The following CDC42BPB variants were observed in gnomAD, a reference collection of about 807,000 sequenced individuals.
The protein encoded by CDC42BPB is serine/threonine-protein kinase MRCK beta.
CDC42BPB carries 37 observed loss-of-function variants against 214.9 expected under a neutral mutation model. That is an observed-to-expected ratio of 0.17 (90% CI 0.13 to 0.23). CDC42BPB has a LOEUF of 0.23. Among genes scored for constraint, CDC42BPB ranks in the 10% least tolerant of loss-of-function variants. CDC42BPB has a pLI of 1.00. For synonymous variants in CDC42BPB, 931 were observed against 884.0 expected (o/e 1.05, Z -0.94); for missense variants, 1,694 against 2,227.0 (o/e 0.76, Z 4.82).
intron 20 of CDC42BPB, among the ~76,000 whole-genome samples, chr14:102,962,667 T>C (rs1893013822): frequency 6.6e-6 from 1 of 152,172 alleles, no homozygotes; most frequent in Non-Finnish European, 1.5e-5. Flanking sequence ...CTGGCCAACG[T>C]GGCAAAACCC....
chr14:102,952,151 G>A (rs911628), intron 24 of CDC42BPB, among the ~76,000 whole-genome samples: 152,301 of 152,326 alleles, frequency 1, 76,138 homozygotes, highest in Non-Finnish European at 1. Flanking sequence ...GTTTGAGACC[G>A]GTCTGGGAAA....
chr14:103,010,483 T>C (rs1886092776), intron 2 of CDC42BPB, among the ~76,000 whole-genome samples: 1 of 152,178 alleles, frequency 6.6e-6, no homozygotes, highest in Admixed American at 6.5e-5. Context: ...AGAGGGGGGC[T>C]ATTTCCCTAA....
At chr14:102,966,168 A>G (rs1006227297) in intron 18 of CDC42BPB, 114 bp downstream of exon 18, 2 of 726,378 alleles carry the variant, frequency 2.8e-6, no homozygotes, top group Non-Finnish European at 4.6e-6. Flanking sequence ...CTGGTTACAC[A>G]GAAGTCTCTT....
chr14:102,953,052 C>T (rs1283307892), intron 23 of CDC42BPB, among the ~76,000 whole-genome samples: 2 of 152,260 alleles, frequency 1.3e-5, no homozygotes, highest in Non-Finnish European at 2.9e-5. Flanking sequence ...TAACAGCAAA[C>T]GCCTGGAAAG....
In CDC42BPB at chr14:103,056,991, G is replaced by T; in HGVS notation, c.175+8C>A. On this transcript the variant is annotated splice_region_variant and intron_variant, in intron 1 of 36. Coordinates refer to ENST00000361246, the MANE Select transcript of CDC42BPB (RefSeq NM_006035.4). ...GCCGCAGGTCCGGCCCTGCCGGCGC[G>T]CACTTACCCCACTCGAGGAACTCGG... is the stretch of plus-strand genomic sequence containing the variant. 2.1e-6 allele frequency: 3 copies of T among 1,421,284 alleles called. No homozygotes were observed. The highest frequency in any genetic ancestry group is 2.8e-6 in the Non-Finnish European group (3 of 1,085,114). The allele number at this position is 1,421,284 out of a possible 1,614,324, so 88.0% of individuals were successfully genotyped here.
At chr14:102,970,321 G>A in intron 13 of CDC42BPB, 60 bp from the exon 14 acceptor site, 2 of 1,550,728 alleles carry the variant, frequency 1.3e-6, no homozygotes, top group African/African-American at 1.4e-5. Flanking sequence ...ACCAGTTACA[G>A]CAGCACCCAC....
Position 102,946,087 on chromosome 14 carries a change from T to C in CDC42BPB, c.3749-363A>G, listed in dbSNP as rs767482741. Among the ~76,000 whole-genome samples, 4 of 151,652 alleles carry C rather than the reference T, an allele frequency of 2.6e-5. No individual in the cohort carries two copies. The South Asian group carries it at 8.3e-4, about 32-fold the overall frequency. On this transcript the variant is annotated intron_variant, in intron 28 of 36. Transcript: ENST00000361246. The stretch of plus-strand genomic sequence containing the variant: ...GCAGTGGTGTGATCTCGGCTCACTG[T>C]AAGCTCTGCCTCCTGGGTTCATGCT...
intron 1 of CDC42BPB, among the ~76,000 whole-genome samples, chr14:103,015,968 G>A (rs1360258886): frequency 2.0e-5 from 3 of 151,572 alleles, no homozygotes; most frequent in African/African-American, 7.3e-5. Flanking sequence ...CGCCCACCTC[G>A]ACCTCCCAAA....
intron 1 of CDC42BPB, among the ~76,000 whole-genome samples, chr14:103,042,647 A>G (rs1407725528): frequency 6.6e-6 from 1 of 152,198 alleles, no homozygotes; most frequent in Non-Finnish European, 1.5e-5. Context: ...AAGAACTTGA[A>G]TAGACATTTA....
In CDC42BPB at chr14:102,986,540, G is replaced by T; in HGVS notation, c.637C>A (p.His213Asn). The T allele has an allele frequency of 1.2e-6, 2 of 1,613,962 alleles. No homozygotes were observed. The highest frequency in any genetic ancestry group is 2.2e-5 in the South Asian group (2 of 91,032). ...PDNVLLDVNG[H>N]IRLADFGSCL... is the part of the protein sequence containing the mutation. ...GATCCAAAGTCAGCCAGGCGGATAT[G>T]ACCATTCACGTCCAAAAGGACATTG... The change falls in exon 6 of 37, where the codon CAT (histidine) becomes AAT (asparagine). Residue 213 changes from histidine (H) to asparagine (N), a missense_variant. Physicochemically the swap from His to Asn is moderately conservative, Grantham distance 68 (BLOSUM62 1). This residue lies in a region of CDC42BPB where 225 missense variants were observed against 459.3 expected (regional missense o/e 0.49). Transcript: ENST00000361246.
At position 102,944,528 on chromosome 14, in the gene CDC42BPB, C is replaced by T; in HGVS notation, c.3812-41G>A. The T allele has an allele frequency of 6.3e-7, 1 of 1,579,176 alleles. No homozygotes were observed. The highest frequency in any genetic ancestry group is 1.3e-5 in the African/African-American group (1 of 74,358). ...CAAGAGCGTGAGGCCGACGGGACAG[C>T]CAGCAGCTCCCAGGGGCTGACGGCC... On this transcript the variant is annotated intron_variant, in intron 29 of 36. Coordinates refer to ENST00000361246, the MANE Select transcript of CDC42BPB (RefSeq NM_006035.4). This position sits in a 1 kb window ranked among gnomAD's most constrained non-coding sequence, Gnocchi z 6.6.
intron 30 of CDC42BPB, among the ~76,000 whole-genome samples, chr14:102,942,299 G>C (rs1370221310): frequency 6.6e-6 from 1 of 152,194 alleles, no homozygotes; most frequent in Non-Finnish European, 1.5e-5. Flanking sequence ...CGTGGGTGGA[G>C]CTGGCCGTGC....
At chr14:102,987,932 C>T (rs1175459015) in intron 5 of CDC42BPB, among the ~76,000 whole-genome samples, 2 of 151,666 alleles carry the variant, frequency 1.3e-5, no homozygotes, top group Admixed American at 6.6e-5. Flanking sequence ...TGTGATTGCG[C>T]CACTGCACTC....
intron 18 of CDC42BPB, 107 bp downstream of exon 18, chr14:102,966,175 T>C: frequency 1.3e-6 from 1 of 792,846 alleles, no homozygotes. Flanking sequence ...CACAGAAGTC[T>C]CTTGCATCAC....
chr14:102,995,805 G>A (rs953178330), intron 5 of CDC42BPB, among the ~76,000 whole-genome samples: 18 of 152,144 alleles, frequency 1.2e-4, no homozygotes, highest in Non-Finnish European at 2.2e-4. Flanking sequence ...CCGTAACATC[G>A]GCCAGCGGCA....
chr14:103,004,324 G>T lies in CDC42BPB; in HGVS notation c.352-301C>A, dbSNP rs1895135581. The T allele has an allele frequency of 4.8e-6, 2 of 414,294 alleles. No individual in the cohort carries two copies. The allele number at this position is 414,294 out of a possible 1,614,324, so 25.7% of individuals were successfully genotyped here. On this transcript the variant is annotated intron_variant, in intron 3 of 36. Coordinates refer to ENST00000361246, the MANE Select transcript of CDC42BPB (RefSeq NM_006035.4). This position sits in a 1 kb window ranked among gnomAD's most constrained non-coding sequence, Gnocchi z 5.3. ...CCACCCTTATGTGGATTCCTGACTG[G>T]GCTCCTCCCACCTGGCACCTCCTGA...
At chr14:103,030,615 C>T (rs1057385974) in intron 1 of CDC42BPB, among the ~76,000 whole-genome samples, 2 of 151,950 alleles carry the variant, frequency 1.3e-5, no homozygotes, top group Non-Finnish European at 2.9e-5. Context: ...AGGATCACTT[C>T]GACCTGGGAG....
chr14:102,993,715 T>G (rs999979290), intron 5 of CDC42BPB, among the ~76,000 whole-genome samples: 11 of 152,186 alleles, frequency 7.2e-5, no homozygotes, highest in African/African-American at 2.7e-4. Context: ...GAGTCACCCA[T>G]GTAAATAAAA....
intron 1 of CDC42BPB, among the ~76,000 whole-genome samples, chr14:103,032,491 T>C (rs531721101): frequency 6.8e-6 from 1 of 147,326 alleles, no homozygotes; most frequent in Non-Finnish European, 1.5e-5. Flanking sequence ...GTTAAAACTT[T>C]TGAACAGGAC....
Sources: gnomAD v4.1 joint callset for allele counts (sites outside exome capture counted in the v4.1 genomes callset) on GRCh38, gnomAD v4.1.1 for gene constraint, gnomAD v4.1.1 regional missense constraint, Gnocchi (gnomAD v3.1) non-coding constraint, MANE v1.5 for transcripts, NCBI Gene and HGNC (gene_info 2026-07-23, HGNC 2026-07-21) for gene names.